The following ZNF248 variants were observed in gnomAD, a reference collection of about 807,000 sequenced individuals.
ZNF248 encodes the protein KRAB protein domain.
Under a neutral mutation model 44.3 loss-of-function variants are expected in ZNF248, and 20 were observed. The ratio of observed to expected loss-of-function variants is 0.45; its 90% CI spans 0.32 to 0.66. The LOEUF (loss-of-function observed/expected upper bound fraction) is 0.66, where lower values mean the gene tolerates loss of function less well. Among genes scored for constraint, ZNF248 ranks in the 30% least tolerant of loss-of-function variants. The pLI, the probability that ZNF248 is intolerant of heterozygous loss-of-function variation, is 0.04. For synonymous variants in ZNF248, 224 were observed against 229.0 expected, an observed-to-expected ratio of 0.98 and a Z score of 0.20; for missense variants, 654 against 677.0, an observed-to-expected ratio of 0.97 and a Z score of 0.38.
At chr10:37,820,059 T>G in intron 6 of ZNF248, 5 of 822,078 alleles carry the variant, frequency 6.1e-6, no homozygotes, top group African/African-American at 3.3e-5. Flanking sequence ...ACACATCTAT[T>G]TAATCATCCT....
Position 37,778,410 on chromosome 10 carries a change from G to A in ZNF248, c.331-1835C>T, listed in dbSNP as rs571435098. ...TTGTTTTTTTCTTGTAAATTTGTTT[G>A]AGTTCATTGTAGATTCTGGATATTA... On this transcript the variant is annotated intron_variant, in intron 6 of 6. Coordinates refer to the ZNF248 transcript ENST00000615949. 1.7e-3 allele frequency among the ~76,000 whole-genome samples: 251 copies of A among 151,954 alleles called. 1 individual carries two copies. The highest frequency in any genetic ancestry group is 5.2e-3 in the African/African-American group (217 of 41,458).
Position 37,838,033 on chromosome 10 carries a change from G to T in ZNF248, c.94C>A (p.Leu32Ile). The change falls in exon 4 of 6, where the codon CTA becomes ATA. Residue 32 changes from leucine to isoleucine, a missense_variant. Physicochemically the swap from Leu to Ile is conservative, Grantham distance 5. Transcript: ENST00000395867. ...TTTTCCAGGATCACATCTCTGTATA[G>T]AATCTTCTGAGCAGGGTCCAGCAGA... ...WYLLDPAQKILYRDVILENYS... is the reference protein window; with the variant it reads ...WYLLDPAQKIIYRDVILENYS... 6.2e-7 allele frequency: 1 copy of T among 1,613,890 alleles called. No individual in the cohort carries two copies. Among genetic ancestry groups the T allele is most frequent in the Non-Finnish European group, 8.5e-7 (1 of 1,179,878 alleles).
the ZNF248 span, among the ~76,000 whole-genome samples, chr10:37,765,883 C>A: frequency 6.6e-6 from 1 of 152,232 alleles, no homozygotes; most frequent in African/African-American, 2.4e-5. Flanking sequence ...ACAGATGGCA[C>A]ATGGAAAATT....
At chr10:37,822,954 T>G (rs1045282205) in intron 6 of ZNF248, among the ~76,000 whole-genome samples, 2 of 152,096 alleles carry the variant, frequency 1.3e-5, no homozygotes, top group Admixed American at 1.3e-4. Flanking sequence ...TAAAACTTGG[T>G]CAAGATGTTT....
At chr10:37,774,183 C>A (rs752600881), downstream of ZNF248, among the ~76,000 whole-genome samples, 1 of 152,188 alleles carries the variant, frequency 6.6e-6, no homozygotes, top group African/African-American at 2.4e-5. Context: ...GATCTGTCAA[C>A]AGGAGCATGG....
chr10:37,771,274 G>A, the ZNF248 span, among the ~76,000 whole-genome samples: 5 of 152,232 alleles, frequency 3.3e-5, no homozygotes, highest in South Asian at 4.2e-4. Context: ...ATTACTGGGT[G>A]TATACCCAAA....
chr10:37,802,418 G>A (rs1208678), intron 6 of ZNF248, among the ~76,000 whole-genome samples: 9,134 of 152,216 alleles, frequency 0.06, 351 homozygotes, highest in Middle Eastern at 0.095. Flanking sequence ...GAACACCCAC[G>A]TGTCCATGCT....
At chr10:37,855,212 C>A (rs1350919279) in intron 3 of ZNF248, among the ~76,000 whole-genome samples, 1 of 151,956 alleles carries the variant, frequency 6.6e-6, no homozygotes, top group Non-Finnish European at 1.5e-5. Flanking sequence ...TGGGACTGTC[C>A]CAATATATGC....
intron 6 of ZNF248, among the ~76,000 whole-genome samples, chr10:37,818,013 T>C (rs1294182916): frequency 6.6e-6 from 1 of 152,170 alleles, no homozygotes; most frequent in Non-Finnish European, 1.5e-5. Flanking sequence ...CCTCTCGGGT[T>C]CACGACATTC....
intron 3 of ZNF248, among the ~76,000 whole-genome samples, chr10:37,842,104 T>C (rs546559260): frequency 6.6e-6 from 1 of 152,320 alleles, no homozygotes; most frequent in African/African-American, 2.4e-5. Flanking sequence ...TACATTAATA[T>C]GTTAATGAAA....
chr10:37,832,484 G>C lies in ZNF248; in HGVS notation c.871C>G (p.Leu291Val). ...TATTCATAAGGATTGTCCTTTGTAAGAGCTCTCTGATGTCCAAACCTTAAA... is the reference window on the plus strand; with the variant it reads ...TATTCATAAGGATTGTCCTTTGTAACAGCTCTCTGATGTCCAAACCTTAAA... ...MNLRFGHQRALTKDNPYEYNE... is the reference protein window; with the variant it reads ...MNLRFGHQRAVTKDNPYEYNE... Residue 291 changes from leucine (L) to valine (V), a missense_variant, in exon 6 of 6, where the codon CTT becomes GTT. Transcript: ENST00000395867. The C allele has an allele frequency of 6.2e-7, 1 of 1,613,912 alleles. No homozygotes were observed. The highest frequency in any genetic ancestry group is 2.2e-5 in the East Asian group (1 of 44,872).
chr10:37,819,689 A>G, intron 6 of ZNF248: 1 of 788,744 alleles, frequency 1.3e-6, no homozygotes, highest in Non-Finnish European at 2.3e-6. Flanking sequence ...ACCTAACCGG[A>G]GTTTGAAGAT....
At chr10:37,785,069 G>C (rs1318721260) in intron 6 of ZNF248, among the ~76,000 whole-genome samples, 2 of 152,138 alleles carry the variant, frequency 1.3e-5, no homozygotes, top group Admixed American at 6.5e-5. Flanking sequence ...GGGTGCCTTG[G>C]AGGAAGGCCA....
In ZNF248 at chr10:37,856,356, A is replaced by C; in HGVS notation, c.-27-19T>G. ...AGGAGAGCTGAAGGATTAGAAAGGA[A>C]GAATGTCAGGAGAGCCTTCGCCGGC... On this transcript the variant is annotated intron_variant, in intron 2 of 5. Coordinates refer to ENST00000395867, the MANE Select transcript of ZNF248 (RefSeq NM_021045.3). The C allele has an allele frequency of 6.2e-7, 1 of 1,613,122 alleles. No individual in the cohort carries two copies. Among genetic ancestry groups the C allele is most frequent in the East Asian group, 2.2e-5 (1 of 44,856 alleles).
intron 6 of ZNF248, among the ~76,000 whole-genome samples, chr10:37,779,363 C>T (rs1331456481): frequency 6.6e-6 from 1 of 152,124 alleles, no homozygotes; most frequent in African/African-American, 2.4e-5. Flanking sequence ...GTTCAATATA[C>T]ACAAATCAAT....
rs549925224 is a variant in ZNF248 at position 37,787,846 on chromosome 10, A to G, written c.331-11271T>C. Among the ~76,000 whole-genome samples, 420 of 152,310 alleles carry G rather than the reference A, an allele frequency of 2.8e-3. 1 individual carries two copies. The highest frequency in any genetic ancestry group is 4.2e-3 in the Non-Finnish European group (289 of 68,028). On this transcript the variant is annotated intron_variant, in intron 6 of 6. Coordinates refer to the ZNF248 transcript ENST00000615949. ...AATTCATATAAAAAAAGTAAACTAG[A>G]TTTCATTAAAAGTGACAGCTATTGT...
chr10:37,825,916 G>A (rs910873537), downstream of ZNF248, among the ~76,000 whole-genome samples: 2 of 151,700 alleles, frequency 1.3e-5, no homozygotes, highest in Admixed American at 6.6e-5. Flanking sequence ...AAAAGGGGGG[G>A]AGAGAGAGAG....
the ZNF248 span, among the ~76,000 whole-genome samples, chr10:37,766,374 A>C: frequency 5.3e-5 from 8 of 152,216 alleles, no homozygotes; most frequent in Non-Finnish European, 1.2e-4. Context: ...GGGCAGACTG[A>C]CACCTCACAT....
intron 6 of ZNF248, among the ~76,000 whole-genome samples, chr10:37,778,478 T>C (rs1322371512): frequency 3.0e-4 from 46 of 151,866 alleles, no homozygotes; most frequent in Admixed American, 5.2e-4. Context: ...TTCTCCCATT[T>C]TGTAGGTTGC....
Sources: gnomAD v4.1 joint callset for allele counts (sites outside exome capture counted in the v4.1 genomes callset) on GRCh38, gnomAD v4.1.1 for gene constraint, MANE v1.5 for transcripts, NCBI Gene and HGNC (gene_info 2026-07-23, HGNC 2026-07-21) for gene names.